Variants in CEP192 observed in about 807,000 individuals in gnomAD.
CEP192 encodes the protein centrosomal protein 192, also known as centrosomal protein of 192 kDa.
CEP192 carries 151 observed loss-of-function variants against 271.8 expected under a neutral mutation model. The ratio of observed to expected loss-of-function variants is 0.56; its 90% CI spans 0.49 to 0.64. The LOEUF is 0.64. Ranked by LOEUF, CEP192 falls within the 30% of genes least tolerant of loss-of-function variation. The pLI is 0.00. For missense variants in CEP192, 2,910 were observed against 3,020.5 expected (o/e 0.96, Z 0.86); for synonymous variants, 995 against 1,076.5 (o/e 0.92, Z 1.48).
At chr18:13,115,029 T>C (rs1220151116) in intron 42 of CEP192, among the ~76,000 whole-genome samples, 1 of 152,224 alleles carries the variant, frequency 6.6e-6, no homozygotes, top group East Asian at 1.9e-4. Context: ...GGAGGATGCC[T>C]GGAAGGACAA....
chr18:13,106,155 TA>T (rs1405954688), intron 40 of CEP192, among the ~76,000 whole-genome samples: 6 of 152,154 alleles, frequency 3.9e-5, no homozygotes, highest in African/African-American at 1.4e-4. Context: ...CCTGACTTTA[TA>T]CTATAGAATA....
At position 13,056,644 on chromosome 18, in the gene CEP192, G is replaced by C; in HGVS notation, c.4054G>C (p.Val1352Leu). ...AACAAAACCTTTTCCTGTGCCGTCT[G>C]TTGGTACAAACTGTGGAATTGAACC... is the stretch of plus-strand genomic sequence containing the variant. ...STTKPFPVPS[V>L]GTNCGIEPWD... is the part of the protein sequence containing the mutation. Residue 1352 changes from valine to leucine, a missense_variant, in exon 19 of 45, where the codon GTT becomes CTT. Val to Leu is a conservative substitution (Grantham distance 32). Coordinates refer to ENST00000506447, the MANE Select transcript of CEP192 (RefSeq NM_032142.4). The C allele has an allele frequency of 6.2e-7, 1 of 1,613,672 alleles. No homozygotes were observed. The highest frequency in any genetic ancestry group is 1.7e-4 in the Middle Eastern group (1 of 6,060).
rs757330915 is a variant in CEP192, at chr18:13,042,351, G to A, written c.2067+17G>A. ...AAAACAGAGGTAGCTTCAGCCTTTC[G>A]TAAGGAAATCTAAGATTATCTTGTT... On this transcript the variant is annotated intron_variant, in intron 15 of 44. Coordinates refer to ENST00000506447, the MANE Select transcript of CEP192 (RefSeq NM_032142.4). 42 of 1,612,756 alleles carry A rather than the reference G, an allele frequency of 2.6e-5. No individual in the cohort carries two copies. Among genetic ancestry groups the A allele is most frequent in the South Asian group, 7.7e-5 (7 of 90,906 alleles).
intron 19 of CEP192, among the ~76,000 whole-genome samples, chr18:13,057,046 G>A (rs117313365): frequency 0.011 from 1,633 of 152,262 alleles, 49 homozygotes; most frequent in Admixed American, 0.051. Context: ...TGGCTGCTGT[G>A]GTGGAGAGGC....
rs149318726 is a variant in CEP192 at position 13,051,250 on chromosome 18, A to G, written c.3017+1359A>G. Among the ~76,000 whole-genome samples the G allele has an allele frequency of 3.2e-3, 494 of 152,152 alleles. 5 individuals carry two copies. Among genetic ancestry groups the G allele is most frequent in the Non-Finnish European group, 5.0e-3 (339 of 67,996 alleles). On this transcript the variant is annotated intron_variant, in intron 17 of 44. Transcript: ENST00000506447. ...CTTGCAGTTCAGTTTTCATTATTTGAGATAATTTCACCTAAAAGCATTTGT... is the reference window on the plus strand; with the variant it reads ...CTTGCAGTTCAGTTTTCATTATTTGGGATAATTTCACCTAAAAGCATTTGT...
chr18:13,035,793 A>G (rs1343309452), intron 11 of CEP192, among the ~76,000 whole-genome samples: 1 of 152,128 alleles, frequency 6.6e-6, no homozygotes, highest in Admixed American at 6.5e-5. Flanking sequence ...TGTAATTTTG[A>G]GGGCTTCATG....
At chr18:12,996,219 A>C in intron 1 of CEP192, among the ~76,000 whole-genome samples, 2 of 112,028 alleles carry the variant, frequency 1.8e-5, no homozygotes, top group African/African-American at 3.4e-5. Flanking sequence ...GTTGGGGGGT[A>C]GGTTGGGGGG....
chr18:13,049,928 T>A (rs755657823), intron 17 of CEP192, 37 bp downstream of exon 17: 2 of 1,562,848 alleles, frequency 1.3e-6, no homozygotes, highest in African/African-American at 3.2e-5. Context: ...AATAAAAATA[T>A]GCGTTCAGTA....
Position 13,116,076 on chromosome 18 carries a change from C to T in CEP192, c.7290-301C>T, listed in dbSNP as rs62095835. ...TAGTGAAGTACAGTCGGTACTGCAG[C>T]GTGACGGGGCCAAGCGAAATGAACT... On this transcript the variant is annotated intron_variant, in intron 42 of 44. Transcript: ENST00000506447. Among the ~76,000 whole-genome samples, 386 of 152,242 alleles carry T rather than the reference C, an allele frequency of 2.5e-3. 2 individuals are homozygous for T. Among genetic ancestry groups the T allele is most frequent in the South Asian group, 7.9e-3 (38 of 4,828 alleles).
chr18:13,087,420 G>T, intron 31 of CEP192, 111 bp from the exon 32 acceptor site: 1 of 908,746 alleles, frequency 1.1e-6, no homozygotes, highest in Non-Finnish European at 1.6e-6. Context: ...AATGCCATGC[G>T]TATGCACTTG....
At chr18:13,023,980 G>A (rs1013014485) in intron 9 of CEP192, among the ~76,000 whole-genome samples, 12 of 152,098 alleles carry the variant, frequency 7.9e-5, no homozygotes, top group Non-Finnish European at 5.9e-5. Context: ...GTTTTTGGGT[G>A]AAGTATTCCA....
chr18:13,044,562 A>G (rs1415164328), intron 15 of CEP192, among the ~76,000 whole-genome samples: 2 of 152,188 alleles, frequency 1.3e-5, no homozygotes, highest in African/African-American at 4.8e-5. Flanking sequence ...AGATCTGTTA[A>G]GAACATGAGC....
At chr18:12,999,369 A>G in intron 1 of CEP192, 52 bp from the exon 2 acceptor site, 2 of 1,318,148 alleles carry the variant, frequency 1.5e-6, no homozygotes, top group South Asian at 1.7e-5. Flanking sequence ...TTAATCATTT[A>G]AAAACATTTT....
chr18:13,056,207 C>T lies in CEP192; in HGVS notation c.3617C>T (p.Thr1206Ile), dbSNP rs771798255. 2.5e-6 allele frequency: 4 copies of T among 1,614,076 alleles called. No individual in the cohort carries two copies. The highest frequency in any genetic ancestry group is 3.4e-6 in the Non-Finnish European group (4 of 1,179,962). Residue 1206 changes from threonine to isoleucine, a missense_variant, in exon 19 of 45, where the codon ACT becomes ATT. By Grantham distance (89) the Thr-to-Ile change is moderately conservative. Coordinates refer to ENST00000506447, the MANE Select transcript of CEP192 (RefSeq NM_032142.4). ...AGAATAAGTCCTAAAGATAAGTCAA[C>T]TGCTGGCCGTGAGTTCAGTGGCCAG... ...DQRISPKDKS[T>I]AGREFSGQVS... is the part of the protein sequence containing the mutation.
In CEP192 at chr18:13,017,253, A is replaced by G. The variant is rs2034705546; in HGVS notation, c.706A>G (p.Ile236Val). Residue 236 changes from isoleucine (I) to valine (V), a missense_variant, in exon 7 of 45, where the codon ATT (isoleucine) becomes GTT (valine). Transcript: ENST00000506447. ...GGAGGCTTATTTTGAACAACTGGCA[A>G]TTCCAGGAATGATATATGAAGACCT... Reference protein sequence around the residue: ...HLEAYFEQLAIPGMIYEDLEG... With the variant: ...HLEAYFEQLAVPGMIYEDLEG... 2 of 1,549,948 alleles carry G rather than the reference A, an allele frequency of 1.3e-6. No homozygotes were observed. The highest frequency in any genetic ancestry group is 1.4e-5 in the African/African-American group (1 of 73,104).
chr18:13,059,040 T>C, intron 20 of CEP192, 42 bp from the exon 21 acceptor site: 1 of 1,252,658 alleles, frequency 8.0e-7, no homozygotes, highest in Non-Finnish European at 1.2e-6. Context: ...TGATTTTCAG[T>C]GTGAAGCCAT....
intron 9 of CEP192, chr18:13,024,227 A>G (rs2035159139): frequency 4.6e-6 from 2 of 435,148 alleles, no homozygotes; most frequent in African/African-American, 2.0e-5. Context: ...TGATTCCTCT[A>G]TATCATTATG....
At chr18:13,026,297 G>C (rs2035297147) in intron 9 of CEP192, among the ~76,000 whole-genome samples, 1 of 151,978 alleles carries the variant, frequency 6.6e-6, no homozygotes, top group Non-Finnish European at 1.5e-5. Context: ...CTTTATCTTT[G>C]ATTTTCTGTA....
chr18:13,021,786 A>G (rs966166892), intron 9 of CEP192, among the ~76,000 whole-genome samples: 10 of 152,162 alleles, frequency 6.6e-5, no homozygotes, highest in African/African-American at 2.4e-4. Flanking sequence ...CTTTCTTTAA[A>G]CAGTGTTTTG....
Sources: allele counts gnomAD v4.1 joint callset (sites outside exome capture counted in the v4.1 genomes callset), GRCh38; gene constraint gnomAD v4.1.1; transcripts MANE v1.5; gene names NCBI Gene and HGNC (gene_info 2026-07-23, HGNC 2026-07-21).